Variants in GABRA3 observed in about 807,000 individuals in gnomAD.
GABRA3 encodes the protein gamma-aminobutyric acid type A receptor subunit alpha3, also known as gamma-aminobutyric acid receptor subunit alpha-3.
In GABRA3, 10 loss-of-function variants were observed where a neutral mutation model predicts 30.1. The observed-to-expected ratio is 0.33, with a 90% CI of 0.20 to 0.56. GABRA3 has a LOEUF of 0.56. Among genes scored for constraint, GABRA3 ranks in the 20% least tolerant of loss-of-function variants. GABRA3 has a pLI of 0.89. For synonymous variants in GABRA3, 151 were observed against 146.8 expected (o/e 1.03, Z -0.21); for missense variants, 233 against 392.0 (o/e 0.59, Z 3.42).
chrX:152,257,247 T>C (rs990776394), intron 4 of GABRA3, among the ~76,000 whole-genome samples: 4 of 111,776 alleles, frequency 3.6e-5, no homozygotes. Context: ...GAGAATAAGC[T>C]CTGGATTGGA....
chrX:152,170,117 C>T (rs1399156693), intron 9 of GABRA3, among the ~76,000 whole-genome samples: 1 of 112,043 alleles, frequency 8.9e-6, no homozygotes, highest in Non-Finnish European at 1.9e-5. Context: ...TGGGAGAAAG[C>T]CTTTTAAGCA....
intron 7 of GABRA3, among the ~76,000 whole-genome samples, chrX:152,198,209 G>A (rs1937413092): frequency 8.9e-6 from 1 of 112,121 alleles, no homozygotes; most frequent in African/African-American, 3.2e-5. Context: ...GGCAAGGAGA[G>A]ATGGAGCAAC....
At chrX:152,211,021 T>G (rs1456095697) in intron 6 of GABRA3, among the ~76,000 whole-genome samples, 1 of 111,162 alleles carries the variant, frequency 9.0e-6, no homozygotes. Flanking sequence ...TCTTTTATCT[T>G]TAGTACATAT....
intron 1 of GABRA3, among the ~76,000 whole-genome samples, chrX:152,393,686 A>G (rs773505150): frequency 4.5e-5 from 5 of 112,028 alleles, no homozygotes; most frequent in Admixed American, 2.9e-4. Flanking sequence ...ATACTCAGGC[A>G]ATCATGGTGC....
chrX:152,309,365 A>G (rs1467049615), intron 3 of GABRA3, among the ~76,000 whole-genome samples: 1 of 111,342 alleles, frequency 9.0e-6, no homozygotes, highest in Non-Finnish European at 1.9e-5. Flanking sequence ...AACATAAAAG[A>G]AAATATATTA....
intron 3 of GABRA3, among the ~76,000 whole-genome samples, chrX:152,296,944 C>T (rs1048031803): frequency 9.0e-6 from 1 of 111,017 alleles, no homozygotes; most frequent in African/African-American, 3.3e-5. Flanking sequence ...AGTGATCCAC[C>T]CGCCTTGGCC....
At chrX:152,222,695 A>T in intron 6 of GABRA3, among the ~76,000 whole-genome samples, 1 of 110,448 alleles carries the variant, frequency 9.1e-6, no homozygotes, top group East Asian at 2.9e-4. Flanking sequence ...TCCACCGTAG[A>T]GTCTTCATTA....
At chrX:152,397,480 GA>G (rs770044088) in intron 1 of GABRA3, among the ~76,000 whole-genome samples, 1 of 111,167 alleles carries the variant, frequency 9.0e-6, no homozygotes, top group Non-Finnish European at 1.9e-5. Flanking sequence ...CTTCAGGTAG[GA>G]AATGTTCTTG....
chrX:152,263,003 C>T (rs1938758201), intron 4 of GABRA3, among the ~76,000 whole-genome samples: 1 of 111,554 alleles, frequency 9.0e-6, no homozygotes, highest in Non-Finnish European at 1.9e-5. Context: ...GGGAAGCAAA[C>T]ACATCCTTCT....
chrX:152,192,243 A>C (rs1937333755), intron 8 of GABRA3, among the ~76,000 whole-genome samples: 1 of 112,098 alleles, frequency 8.9e-6, no homozygotes, highest in South Asian at 3.7e-4. Flanking sequence ...ATGGATGGAC[A>C]AAGAGATTCT....
intron 1 of GABRA3, among the ~76,000 whole-genome samples, chrX:152,374,997 T>C (rs990235715): frequency 9.0e-6 from 1 of 111,517 alleles, no homozygotes; most frequent in African/African-American, 3.3e-5. Flanking sequence ...CATTGGTCGA[T>C]GTGTCTGTTC....
intron 5 of GABRA3, among the ~76,000 whole-genome samples, chrX:152,235,013 A>G (rs915535958): frequency 2.7e-5 from 3 of 111,655 alleles, no homozygotes; most frequent in South Asian, 7.4e-4. Flanking sequence ...AAAAAATGAC[A>G]TTGGTATTTT....
chrX:152,230,757 G>A (rs758997481), intron 5 of GABRA3, among the ~76,000 whole-genome samples: 16 of 110,775 alleles, frequency 1.4e-4, no homozygotes, highest in Non-Finnish European at 2.8e-4. Context: ...ATATACAAGT[G>A]CAAGATATGA....
chrX:152,181,488 G>T (rs1937146198), intron 9 of GABRA3, among the ~76,000 whole-genome samples: 1 of 109,451 alleles, frequency 9.1e-6, no homozygotes, highest in South Asian at 4.0e-4. Flanking sequence ...ATAAGATCAG[G>T]CCATAAAAAA....
At chrX:152,287,003 A>G (rs1303924501) in intron 3 of GABRA3, among the ~76,000 whole-genome samples, 1 of 111,432 alleles carries the variant, frequency 9.0e-6, no homozygotes, top group Non-Finnish European at 1.9e-5. Context: ...CTTCAGACAC[A>G]TTGCCAGGCT....
chrX:152,213,093 T>C (rs1443169528), intron 6 of GABRA3, among the ~76,000 whole-genome samples: 2 of 112,014 alleles, frequency 1.8e-5, no homozygotes, highest in African/African-American at 6.5e-5. Flanking sequence ...ACTCCTTGTC[T>C]TTAGTTGCTT....
At chrX:152,333,830 C>T (rs1002100702) in intron 3 of GABRA3, among the ~76,000 whole-genome samples, 2 of 111,523 alleles carry the variant, frequency 1.8e-5, no homozygotes, top group Non-Finnish European at 3.8e-5. Context: ...TTTTAAAACT[C>T]CACAAGTTTA....
intron 1 of GABRA3, among the ~76,000 whole-genome samples, chrX:152,422,940 A>G (rs1291779430): frequency 1.8e-5 from 2 of 111,784 alleles, no homozygotes; most frequent in Non-Finnish European, 3.8e-5. Context: ...ACATTCCACA[A>G]TGTATACATA....
At chrX:152,242,310 T>C (rs1045183719) in intron 5 of GABRA3, among the ~76,000 whole-genome samples, 3 of 110,739 alleles carry the variant, frequency 2.7e-5, no homozygotes, top group Non-Finnish European at 5.7e-5. Flanking sequence ...ATAAAACTAG[T>C]AGAAGAAAAC....
Sources: gnomAD v4.1 joint callset for allele counts (sites outside exome capture counted in the v4.1 genomes callset) on GRCh38, gnomAD v4.1.1 for gene constraint, MANE v1.5 for transcripts, NCBI Gene and HGNC (gene_info 2026-07-23, HGNC 2026-07-21) for gene names.